GMDS: variants seen among roughly 807,000 people sequenced by gnomAD.
The protein encoded by GMDS is GDP-mannose 4,6-dehydratase.
A neutral mutation model predicts 49.9 loss-of-function variants in GMDS; 20 were observed. The ratio of observed to expected loss-of-function variants is 0.40; its 90% CI spans 0.28 to 0.58. The LOEUF (loss-of-function observed/expected upper bound fraction) is 0.58, where lower values mean the gene tolerates loss of function less well. Ranked by LOEUF, GMDS falls within the 20% of genes least tolerant of loss-of-function variation. The pLI is 0.42. For synonymous variants in GMDS, 177 were observed against 178.6 expected (o/e 0.99, Z 0.07); for missense variants, 362 against 481.4 (o/e 0.75, Z 2.32).
At chr6:1,760,981 T>C (rs986614473) in intron 7 of GMDS, among the ~76,000 whole-genome samples, 2 of 152,162 alleles carry the variant, frequency 1.3e-5, no homozygotes, top group African/African-American at 2.4e-5. Context: ...GGGAAGCCAG[T>C]TGTATTTAAG....
intron 1 of GMDS, among the ~76,000 whole-genome samples, chr6:2,210,890 T>A (rs1780033438): frequency 6.6e-6 from 1 of 152,200 alleles, no homozygotes; most frequent in Admixed American, 6.5e-5. Flanking sequence ...AATTGGATCA[T>A]GGGGGCGGAT....
chr6:1,794,981 G>A (rs1430577867), intron 7 of GMDS, among the ~76,000 whole-genome samples: 1 of 152,134 alleles, frequency 6.6e-6, no homozygotes, highest in Admixed American at 6.5e-5. Context: ...CTTGAGCCCA[G>A]GAGTTTGAGA....
chr6:2,219,439 C>T (rs1780483573), intron 1 of GMDS, among the ~76,000 whole-genome samples: 1 of 152,184 alleles, frequency 6.6e-6, no homozygotes, highest in Admixed American at 6.5e-5. Flanking sequence ...TCACTTTACA[C>T]AGGATCCTCT....
At chr6:1,757,531 C>G (rs1767993568) in intron 7 of GMDS, among the ~76,000 whole-genome samples, 1 of 152,164 alleles carries the variant, frequency 6.6e-6, no homozygotes, top group South Asian at 2.1e-4. Flanking sequence ...ACTGTGCTAC[C>G]TAAATCTGTT....
chr6:2,011,659 A>G (rs1767567445), intron 4 of GMDS, among the ~76,000 whole-genome samples: 3 of 152,258 alleles, frequency 2.0e-5, no homozygotes, highest in African/African-American at 7.2e-5. Flanking sequence ...CATGCCTGTA[A>G]TCCCAACACT....
At chr6:1,917,591 C>T (rs1761468835) in intron 7 of GMDS, among the ~76,000 whole-genome samples, 1 of 152,192 alleles carries the variant, frequency 6.6e-6, no homozygotes. Context: ...CCAGGCAAAA[C>T]CAGCAAGTAA....
At chr6:2,000,913 G>A (rs1766777003) in intron 4 of GMDS, among the ~76,000 whole-genome samples, 1 of 152,146 alleles carries the variant, frequency 6.6e-6, no homozygotes, top group Admixed American at 6.6e-5. Context: ...TGGACATTCG[G>A]ATTGTTTCTA....
At chr6:1,795,418 T>G (rs1408425766) in intron 7 of GMDS, among the ~76,000 whole-genome samples, 2 of 152,198 alleles carry the variant, frequency 1.3e-5, no homozygotes, top group African/African-American at 4.8e-5. Flanking sequence ...CTTCTGAATA[T>G]TCATCCCTTT....
At chr6:2,243,645 T>C (rs1342712099) in intron 1 of GMDS, among the ~76,000 whole-genome samples, 1 of 152,072 alleles carries the variant, frequency 6.6e-6, no homozygotes, top group Admixed American at 6.5e-5. Context: ...AAGGATTCAA[T>C]TTCTCAACCT....
At chr6:1,777,804 C>T (rs565575557) in intron 7 of GMDS, among the ~76,000 whole-genome samples, 1 of 152,152 alleles carries the variant, frequency 6.6e-6, no homozygotes, top group Non-Finnish European at 1.5e-5. Context: ...GCAAACTGTT[C>T]TCAGCAGACG....
intron 9 of GMDS, among the ~76,000 whole-genome samples, chr6:1,668,705 TAAAC>T (rs927818017): frequency 2.0e-5 from 3 of 148,326 alleles, no homozygotes; most frequent in African/African-American, 4.9e-5. Context: ...AGACTCTGTC[TAAAC>T]AAACAAACAA....
intron 7 of GMDS, among the ~76,000 whole-genome samples, chr6:1,824,086 T>A (rs1052325920): frequency 2.6e-4 from 40 of 152,078 alleles, no homozygotes; most frequent in Admixed American, 1.3e-3. Flanking sequence ...CTCTCCTTTC[T>A]CCCTCATCCA....
chr6:1,712,701 C>T (rs1157147689), intron 9 of GMDS, among the ~76,000 whole-genome samples: 1 of 151,066 alleles, frequency 6.6e-6, no homozygotes, highest in African/African-American at 2.4e-5. Flanking sequence ...GAAGTTCAGA[C>T]AGAAGTTCAA....
chr6:1,789,380 C>T (rs779734345), intron 7 of GMDS, among the ~76,000 whole-genome samples: 3 of 152,162 alleles, frequency 2.0e-5, no homozygotes, highest in Admixed American at 6.5e-5. Flanking sequence ...TGAAACCATA[C>T]AGGGGCCCAC....
intron 4 of GMDS, among the ~76,000 whole-genome samples, chr6:2,079,446 T>C (rs1213386519): frequency 6.6e-6 from 1 of 152,166 alleles, no homozygotes; most frequent in Non-Finnish European, 1.5e-5. Flanking sequence ...GATTGCTTTA[T>C]TAGCAGGTTT....
At chr6:2,026,763 C>G (rs978772378) in intron 4 of GMDS, among the ~76,000 whole-genome samples, 2 of 152,176 alleles carry the variant, frequency 1.3e-5, no homozygotes, top group Non-Finnish European at 2.9e-5. Context: ...GATGAGGCAG[C>G]CAGCTGCCAG....
chr6:1,788,355 A>G (rs1407458171), intron 7 of GMDS, among the ~76,000 whole-genome samples: 1 of 152,232 alleles, frequency 6.6e-6, no homozygotes, highest in Non-Finnish European at 1.5e-5. Flanking sequence ...GCAATGGGAC[A>G]AGAGTTAAAG....
chr6:1,825,637 C>T (rs896051377), intron 7 of GMDS, among the ~76,000 whole-genome samples: 2 of 152,150 alleles, frequency 1.3e-5, no homozygotes, highest in African/African-American at 4.8e-5. Flanking sequence ...CTCATTTAAG[C>T]AACTATAACA....
chr6:1,808,527 T>C (rs931862574), intron 7 of GMDS, among the ~76,000 whole-genome samples: 3 of 152,186 alleles, frequency 2.0e-5, no homozygotes, highest in Non-Finnish European at 4.4e-5. Flanking sequence ...AATTTTCTTA[T>C]TGATCACTAT....
Sources: allele counts gnomAD v4.1 joint callset (sites outside exome capture counted in the v4.1 genomes callset), GRCh38; gene constraint gnomAD v4.1.1; transcripts MANE v1.5; gene names NCBI Gene and HGNC (gene_info 2026-07-23, HGNC 2026-07-21).